Variants in RCL1 observed in about 807,000 individuals in gnomAD.
The protein encoded by RCL1 is RNA terminal phosphate cyclase like 1.
RCL1 carries 24 observed loss-of-function variants against 42.4 expected under a neutral mutation model. The ratio of observed to expected loss-of-function variants is 0.57; its 90% CI spans 0.41 to 0.80. RCL1 has a LOEUF of 0.80. Among genes scored for constraint, RCL1 ranks in the 30% least tolerant of loss-of-function variants. The pLI, the probability that RCL1 is intolerant of heterozygous loss-of-function variation, is 0.00. For synonymous variants in RCL1, 228 were observed against 177.3 expected, an observed-to-expected ratio of 1.29 and a Z score of -2.27; for missense variants, 578 against 467.9, an observed-to-expected ratio of 1.24 and a Z score of -2.17.
Position 4,849,483 on chromosome 9 carries a change from C to G in RCL1, c.904C>G (p.Leu302Val), listed in dbSNP as rs954344139. ...AGACTCGACCAACCAAAGCCTGGCG[C>G]TACTACTCATGACCCTTGGACAGCA... The part of the protein sequence containing the change: ...CVDSTNQSLA[L>V]LLMTLGQQDV... Residue 302 changes from leucine to valine, a missense_variant, in exon 8 of 9, where the codon CTA becomes GTA. Transcript: ENST00000381750. 1 of 1,614,070 alleles carries G rather than the reference C, an allele frequency of 6.2e-7. No homozygotes were observed. The highest frequency in any genetic ancestry group is 8.5e-7 in the Non-Finnish European group (1 of 1,179,982).
intron 1 of RCL1, among the ~76,000 whole-genome samples, chr9:4,800,762 C>T (rs1310729564): frequency 6.6e-6 from 1 of 150,984 alleles, no homozygotes; most frequent in Non-Finnish European, 1.5e-5. Flanking sequence ...AAGTGATTCT[C>T]CTGCCTCAGC....
chr9:4,854,752 C>T (rs1376622096), intron 8 of RCL1, among the ~76,000 whole-genome samples: 1 of 152,120 alleles, frequency 6.6e-6, no homozygotes, highest in African/African-American at 2.4e-5. Flanking sequence ...GGGAACAACT[C>T]ACCTTTTGAA....
intron 1 of RCL1, among the ~76,000 whole-genome samples, chr9:4,806,531 A>C (rs370256961): frequency 2.0e-5 from 3 of 150,256 alleles, no homozygotes; most frequent in African/African-American, 7.4e-5. Flanking sequence ...TATTGCCTTG[A>C]TTGATATTTA....
rs534618712 is a variant in RCL1, at chr9:4,794,221, A to G, written c.136+994A>G. On this transcript the variant is annotated intron_variant, in intron 1 of 8. Transcript: ENST00000381750. The stretch of plus-strand genomic sequence containing the variant: ...GCTCTTGTTTTATCTGTCTGAATGC[A>G]TTTTTTGGATAGTTAGATCTCTGCC... 5.3e-5 allele frequency among the ~76,000 whole-genome samples: 8 copies of G among 152,290 alleles called. No homozygotes were observed. The South Asian group carries it at 1.4e-3, about 28-fold the overall frequency.
At chr9:4,823,108 A>C (rs1816649354) in intron 1 of RCL1, among the ~76,000 whole-genome samples, 1 of 152,126 alleles carries the variant, frequency 6.6e-6, no homozygotes, top group South Asian at 2.1e-4. Flanking sequence ...GGTGGTCCTC[A>C]ATTTAATCTT....
intron 5 of RCL1, among the ~76,000 whole-genome samples, chr9:4,836,961 G>A (rs1817159955): frequency 6.6e-6 from 1 of 152,130 alleles, no homozygotes; most frequent in South Asian, 2.1e-4. Context: ...GCCCATGTAA[G>A]CGCCCAGCCT....
At chr9:4,812,066 T>C (rs1816198209) in intron 1 of RCL1, among the ~76,000 whole-genome samples, 1 of 152,240 alleles carries the variant, frequency 6.6e-6, no homozygotes, top group Non-Finnish European at 1.5e-5. Context: ...GTGTGTGTAC[T>C]GGTGAGTTCC....
intron 3 of RCL1, among the ~76,000 whole-genome samples, chr9:4,830,561 T>C (rs1381240704): frequency 6.6e-6 from 1 of 152,138 alleles, no homozygotes; most frequent in East Asian, 1.9e-4. Context: ...GAGCTCCCAG[T>C]AATTATTTGT....
At chr9:4,825,498 A>C (rs947409444) in intron 2 of RCL1, among the ~76,000 whole-genome samples, 1 of 152,084 alleles carries the variant, frequency 6.6e-6, no homozygotes, top group Non-Finnish European at 1.5e-5. Context: ...TATGGTCCTG[A>C]TTGTGATTGT....
chr9:4,815,529 G>A (rs1205670704), intron 1 of RCL1, among the ~76,000 whole-genome samples: 3 of 152,000 alleles, frequency 2.0e-5, no homozygotes, highest in Non-Finnish European at 4.4e-5. Context: ...GTGGGGTAGG[G>A]GTAGGTGGAG....
chr9:4,808,857 T>C (rs28555587), intron 1 of RCL1, among the ~76,000 whole-genome samples: 5,273 of 152,302 alleles, frequency 0.035, 312 homozygotes, highest in African/African-American at 0.12. Flanking sequence ...AAAGAAGTTT[T>C]TGATTTCATT....
At chr9:4,827,731 AGT>A (rs71326142) in intron 3 of RCL1, among the ~76,000 whole-genome samples, 22,067 of 147,422 alleles carry the variant, frequency 0.15, 2,134 homozygotes, top group Non-Finnish European at 0.22. Flanking sequence ...TCTAGGATGA[AGT>A]GTGTGTGTGT....
intron 1 of RCL1, among the ~76,000 whole-genome samples, chr9:4,815,618 G>T (rs893326095): frequency 6.6e-6 from 1 of 152,072 alleles, no homozygotes; most frequent in African/African-American, 2.4e-5. Context: ...TGGGCCACTG[G>T]TCTAGGGTGT....
chr9:4,794,316 A>G (rs1025980181), intron 1 of RCL1, among the ~76,000 whole-genome samples: 16 of 152,204 alleles, frequency 1.1e-4, no homozygotes, highest in African/African-American at 3.9e-4. Context: ...ATAGGTTAGG[A>G]AGGAAAGAAG....
At chr9:4,838,960 G>A (rs1480341885) in intron 5 of RCL1, among the ~76,000 whole-genome samples, 1 of 152,180 alleles carries the variant, frequency 6.6e-6, no homozygotes, top group East Asian at 1.9e-4. Context: ...TTTCATTTGT[G>A]CCTCCAAACT....
intron 7 of RCL1, among the ~76,000 whole-genome samples, chr9:4,847,169 G>T (rs1194795582): frequency 2.0e-5 from 3 of 152,124 alleles, no homozygotes; most frequent in African/African-American, 7.2e-5. Context: ...GTGAGCCACT[G>T]TGCCTGGCAA....
chr9:4,849,989 A>G (rs918690515), intron 8 of RCL1, among the ~76,000 whole-genome samples: 1 of 152,216 alleles, frequency 6.6e-6, no homozygotes, highest in Non-Finnish European at 1.5e-5. Context: ...GTTTGTATTA[A>G]TGCTACTGGA....
At chr9:4,830,158 G>T (rs1323486916) in intron 3 of RCL1, among the ~76,000 whole-genome samples, 1 of 152,226 alleles carries the variant, frequency 6.6e-6, no homozygotes. Context: ...AGACTGAGCA[G>T]TGAGACATTT....
At chr9:4,847,950 C>G (rs1172176431) in intron 7 of RCL1, among the ~76,000 whole-genome samples, 1 of 152,230 alleles carries the variant, frequency 6.6e-6, no homozygotes, top group Non-Finnish European at 1.5e-5. Flanking sequence ...CCTCAGGTAT[C>G]TGGCAGGTGA....
Sources: allele counts gnomAD v4.1 joint callset (sites outside exome capture counted in the v4.1 genomes callset), GRCh38; gene constraint gnomAD v4.1.1; transcripts MANE v1.5; gene names NCBI Gene and HGNC (gene_info 2026-07-23, HGNC 2026-07-21).